The following SPAG6 variants were observed in gnomAD, a reference collection of about 807,000 sequenced individuals.
SPAG6 encodes sperm-associated antigen 6.
In SPAG6, 49 loss-of-function variants were observed where a neutral mutation model predicts 58.5. The ratio of observed to expected loss-of-function variants is 0.84; its 90% confidence interval spans 0.67 to 1.06. SPAG6 has a LOEUF of 1.06. Ranked by LOEUF, SPAG6 falls within the 50% of genes least tolerant of loss-of-function variation. The probability of loss-of-function intolerance (pLI) is 0.00; values close to 1 mark genes in which losing one functional copy is unlikely to be tolerated. For missense variants in SPAG6, 560 were observed against 611.3 expected (o/e 0.92, Z 0.89); for synonymous variants, 233 against 225.6 (o/e 1.03, Z -0.29).
At position 22,389,371 on chromosome 10, in the gene SPAG6, G is replaced by C. The variant is rs187293146; in HGVS notation, c.1005+59G>C. The C allele has an allele frequency of 6.9e-4, 1,061 of 1,530,812 alleles. 1 individual carries two copies. The highest frequency in any genetic ancestry group is 8.8e-4 in the Non-Finnish European group (982 of 1,111,366). 94.8% of individuals were successfully genotyped at this position (1,530,812 alleles called of 1,614,324 possible). On this transcript the variant is annotated intron_variant, in intron 7 of 10. Coordinates refer to ENST00000376624, the MANE Select transcript of SPAG6 (RefSeq NM_012443.4). ...TAAGAAATTCTAAGACAGAACCACA[G>C]ATTAATGTTCTCCAACAGAATACAA...
chr10:22,358,520 A>G (rs1308688431), intron 2 of SPAG6, among the ~76,000 whole-genome samples: 3 of 151,858 alleles, frequency 2.0e-5, no homozygotes, highest in Non-Finnish European at 4.4e-5. Flanking sequence ...ATTTTCTCCC[A>G]TTTTATAGGT....
Position 22,416,899 on chromosome 10 carries a change from G to T in SPAG6, c.*211G>T. The T allele has an allele frequency of 2.6e-6, 1 of 388,778 alleles. No individual in the cohort carries two copies. Among genetic ancestry groups the T allele is most frequent in the East Asian group, 4.0e-5 (1 of 25,264 alleles). 24.1% of individuals were successfully genotyped at this position (388,778 alleles called of 1,614,324 possible). On this transcript the variant is annotated 3_prime_UTR_variant, in exon 11 of 11. Coordinates refer to ENST00000376624, the MANE Select transcript of SPAG6 (RefSeq NM_012443.4). ...ATGGTCATTCGCATGCATAGGATTT[G>T]TTCTACAGGTAGATTTTAAAAACAC... is the stretch of plus-strand genomic sequence containing the variant.
chr10:22,403,469 AT>A (rs1380429250), intron 9 of SPAG6, among the ~76,000 whole-genome samples: 1 of 152,232 alleles, frequency 6.6e-6, no homozygotes, highest in Non-Finnish European at 1.5e-5. Flanking sequence ...TGAACTCATC[AT>A]TTTTTATGGC....
intron 10 of SPAG6, among the ~76,000 whole-genome samples, chr10:22,413,309 G>A (rs1178578715): frequency 6.6e-6 from 1 of 151,740 alleles, no homozygotes; most frequent in Non-Finnish European, 1.5e-5. Context: ...CGAGGCGTGG[G>A]GATCACGAGG....
Position 22,362,109 on chromosome 10 carries a change from A to G in SPAG6, c.122-2744A>G, listed in dbSNP as rs560799821. Reference sequence around the variant, plus strand: ...TTTATTTTATATATTCGATGTAAATATATATAAATATATGTATTTTATATA... The same window carrying G: ...TTTATTTTATATATTCGATGTAAATGTATATAAATATATGTATTTTATATA... On this transcript the variant is annotated intron_variant, in intron 2 of 10. Transcript: ENST00000376624. Among the ~76,000 whole-genome samples, 930 of 145,776 alleles carry G rather than the reference A, an allele frequency of 6.4e-3. 11 individuals carry two copies. Among genetic ancestry groups the G allele is most frequent in the African/African-American group, 0.022 (885 of 40,242 alleles).
In SPAG6 at chr10:22,352,339, A is replaced by G. The variant is rs138446129; in HGVS notation, c.121+6521A>G. Among the ~76,000 whole-genome samples the G allele has an allele frequency of 1.6e-3, 244 of 152,272 alleles. 1 individual carries two copies. Among genetic ancestry groups the G allele is most frequent in the African/African-American group, 5.8e-3 (240 of 41,552 alleles). On this transcript the variant is annotated intron_variant, in intron 2 of 10. Transcript: ENST00000376624. ...AGGCTAGATTATATTAGTTTCCCAT[A>G]TAAATGTCTTTGTAGACTTAGTTTA...
intron 2 of SPAG6, among the ~76,000 whole-genome samples, chr10:22,360,024 T>C (rs758951954): frequency 3.9e-5 from 6 of 152,180 alleles, no homozygotes; most frequent in Non-Finnish European, 8.8e-5. Context: ...AAACTTGACA[T>C]TTTCTTCCTG....
At chr10:22,396,980 C>T (rs1217785623) in intron 8 of SPAG6, among the ~76,000 whole-genome samples, 1 of 152,116 alleles carries the variant, frequency 6.6e-6, no homozygotes, top group Non-Finnish European at 1.5e-5. Context: ...TATTCATTAG[C>T]TCAAGGTAAG....
intron 10 of SPAG6, chr10:22,412,523 G>C: frequency 6.8e-7 from 1 of 1,462,614 alleles, no homozygotes; most frequent in Non-Finnish European, 9.2e-7. Flanking sequence ...AGTTCCAATA[G>C]GTAAGCTTTG....
intron 2 of SPAG6, among the ~76,000 whole-genome samples, chr10:22,346,560 T>C (rs1836563554): frequency 6.6e-6 from 1 of 151,692 alleles, no homozygotes; most frequent in Non-Finnish European, 1.5e-5. Context: ...TTCTTTTTTT[T>C]TGGATGATTC....
intron 2 of SPAG6, among the ~76,000 whole-genome samples, chr10:22,353,150 T>A (rs1234398484): frequency 6.6e-6 from 1 of 152,252 alleles, no homozygotes; most frequent in African/African-American, 2.4e-5. Context: ...AAAGATAGAT[T>A]TTCAAACTGA....
intron 4 of SPAG6, among the ~76,000 whole-genome samples, chr10:22,383,643 AAAAG>A (rs1302068314): frequency 2.0e-5 from 3 of 152,242 alleles, no homozygotes; most frequent in African/African-American, 4.8e-5. Flanking sequence ...ATCTCAAAAA[AAAAG>A]AAAGAAAGAA....
At chr10:22,411,240 G>T in intron 10 of SPAG6, 64 bp downstream of exon 10, 1 of 1,385,096 alleles carries the variant, frequency 7.2e-7, no homozygotes, top group South Asian at 1.4e-5. Flanking sequence ...TCACATCTAG[G>T]TTTTATATCC....
chr10:22,385,639 T>C (rs887244401), intron 4 of SPAG6, among the ~76,000 whole-genome samples: 10 of 152,172 alleles, frequency 6.6e-5, no homozygotes, highest in African/African-American at 2.4e-4. Flanking sequence ...ATAATTATGA[T>C]AATTTAAGGA....
At chr10:22,406,493 G>C (rs992326434) in intron 9 of SPAG6, among the ~76,000 whole-genome samples, 5 of 152,184 alleles carry the variant, frequency 3.3e-5, no homozygotes, top group African/African-American at 1.2e-4. Context: ...TTGCACTGTG[G>C]TCTGAGAGAC....
chr10:22,412,299 C>G, intron 10 of SPAG6: 1 of 551,144 alleles, frequency 1.8e-6, no homozygotes, highest in South Asian at 2.5e-5. Flanking sequence ...CATGCTGTAA[C>G]ATATACTTAC....
At chr10:22,351,208 A>G (rs1436760319) in intron 2 of SPAG6, among the ~76,000 whole-genome samples, 1 of 152,204 alleles carries the variant, frequency 6.6e-6, no homozygotes, top group East Asian at 1.9e-4. Flanking sequence ...GCAGAGGGCT[A>G]ACTTTAATTG....
chr10:22,387,829 A>G lies in SPAG6; in HGVS notation c.685A>G (p.Ile229Val). 6.2e-7 allele frequency: 1 copy of G among 1,608,194 alleles called. No individual in the cohort carries two copies. The highest frequency in any genetic ancestry group is 8.5e-7 in the Non-Finnish European group (1 of 1,178,170). Reference protein sequence around the residue: ...LNPDAKLKHQILSALSQVSKH... With the variant: ...LNPDAKLKHQVLSALSQVSKH... Reference sequence around the variant, plus strand: ...TTTTTTTTTTGCTTCACAGCATCAGATCCTTTCAGCTCTCAGTCAGGTTTC... The same window carrying G: ...TTTTTTTTTTGCTTCACAGCATCAGGTCCTTTCAGCTCTCAGTCAGGTTTC... Residue 229 changes from isoleucine (I) to valine (V), a missense_variant, in exon 6 of 11, where the codon ATC (isoleucine) becomes GTC (valine). Transcript: ENST00000376624.
intron 2 of SPAG6, among the ~76,000 whole-genome samples, chr10:22,356,298 C>A (rs1197486332): frequency 1.3e-5 from 2 of 152,226 alleles, no homozygotes; most frequent in African/African-American, 4.8e-5. Flanking sequence ...GTGCTTTGCA[C>A]AACTTCAGGG....
Sources: gnomAD v4.1 joint callset for allele counts (sites outside exome capture counted in the v4.1 genomes callset) on GRCh38, gnomAD v4.1.1 for gene constraint, MANE v1.5 for transcripts, NCBI Gene and HGNC (gene_info 2026-07-23, HGNC 2026-07-21) for gene names.